PNLIPRP3: variants seen among roughly 807,000 people sequenced by gnomAD.
The protein encoded by PNLIPRP3 is pancreatic lipase related protein 3.
Under a neutral mutation model 52.8 loss-of-function variants are expected in PNLIPRP3, and 58 were observed. The observed-to-expected ratio is 1.10, with a 90% CI of 0.89 to 1.37. The LOEUF is 1.37. Among genes scored for constraint, PNLIPRP3 ranks in the 40% most tolerant of loss-of-function variants. The probability of loss-of-function intolerance (pLI) is 0.00; values close to 1 mark genes in which losing one functional copy is unlikely to be tolerated. For synonymous variants in PNLIPRP3, 192 were observed against 185.0 expected (o/e 1.04, Z -0.31); for missense variants, 593 against 561.6 (o/e 1.06, Z -0.57).
At position 116,438,767 on chromosome 10, in the gene PNLIPRP3, C is replaced by T. The variant is rs144680339; in HGVS notation, c.204+1902C>T. On this transcript the variant is annotated intron_variant, in intron 2 of 11. Coordinates refer to ENST00000369230, the MANE Select transcript of PNLIPRP3 (RefSeq NM_001011709.3). The stretch of plus-strand genomic sequence containing the variant: ...TGACCCATATGTTATATGAGTTTGA[C>T]CAATTCTGTAGATGTGGCTGTCTCT... 3.3e-5 allele frequency among the ~76,000 whole-genome samples: 5 copies of T among 152,232 alleles called. No homozygotes were observed. The East Asian group carries it at 7.7e-4, about 24-fold the overall frequency.
intron 5 of PNLIPRP3, among the ~76,000 whole-genome samples, chr10:116,459,788 G>C (rs2133142646): frequency 6.6e-6 from 1 of 152,014 alleles, no homozygotes; most frequent in East Asian, 1.9e-4. Context: ...CTTTTTTTGA[G>C]ATGGAGTCTT....
chr10:116,444,533 T>C lies in PNLIPRP3; in HGVS notation c.456+20T>C. ...CTCATGGTAAGAAGAGTTGATTTTT[T>C]TTTAATTATATTGAATTGGTTTTGG... On this transcript the variant is annotated intron_variant, in intron 4 of 11. Transcript: ENST00000369230. 6.2e-7 allele frequency: 1 copy of C among 1,600,904 alleles called. No individual in the cohort carries two copies. The highest frequency in any genetic ancestry group is 1.7e-5 in the Admixed American group (1 of 57,864).
intron 2 of PNLIPRP3, among the ~76,000 whole-genome samples, chr10:116,442,814 T>C (rs1845877026): frequency 1.3e-5 from 2 of 152,118 alleles, no homozygotes; most frequent in African/African-American, 4.8e-5. Flanking sequence ...CAGTGCGTTA[T>C]GATGGAGTCA....
intron 4 of PNLIPRP3, among the ~76,000 whole-genome samples, chr10:116,452,633 G>A (rs1435624280): frequency 6.6e-6 from 1 of 152,170 alleles, no homozygotes; most frequent in Non-Finnish European, 1.5e-5. Flanking sequence ...CTGCATCCCA[G>A]CTGCTCAGGC....
In PNLIPRP3 at chr10:116,469,243, G is replaced by C. The variant is rs143512460; in HGVS notation, c.986G>C (p.Arg329Thr). The C allele has an allele frequency of 7.4e-4, 1,201 of 1,612,356 alleles. 11 individuals are homozygous for C. In the East Asian group the frequency reaches 0.018, roughly 24 times the overall value. ...CCAACAATGGGTCATTTTGCTGATA[G>C]ATTTCACTTCAAAAATATGAAGACT... The part of the protein sequence containing the change: ...GCPTMGHFAD[R>T]FHFKNMKTNG... The change falls in exon 9 of 12, where the codon AGA becomes ACA. Residue 329 changes from arginine (R) to threonine (T), a missense_variant. By Grantham distance (71) the Arg-to-Thr change is moderately conservative (BLOSUM62 -1). Coordinates refer to ENST00000369230, the MANE Select transcript of PNLIPRP3 (RefSeq NM_001011709.3).
At chr10:116,455,488 G>A (rs561022692) in intron 4 of PNLIPRP3, among the ~76,000 whole-genome samples, 1 of 152,322 alleles carries the variant, frequency 6.6e-6, no homozygotes, top group Non-Finnish European at 1.5e-5. Context: ...CCACAGGCCA[G>A]CCCCTTAGCA....
intron 5 of PNLIPRP3, among the ~76,000 whole-genome samples, chr10:116,458,076 T>A (rs1846141321): frequency 6.6e-6 from 1 of 152,212 alleles, no homozygotes. Context: ...ATTAAGGACA[T>A]ACATAAGTTT....
At position 116,428,200 on chromosome 10, in the gene PNLIPRP3, G is replaced by A. The variant is rs1589972232; in HGVS notation, c.49+139G>A. On this transcript the variant is annotated intron_variant, in intron 1 of 11. Coordinates refer to ENST00000369230, the MANE Select transcript of PNLIPRP3 (RefSeq NM_001011709.3). ...AGTAGTTTATTGTTTTTATGAATATGTTTAAAATATTGGCTGCTTATATTT... is the reference window on the plus strand; with the variant it reads ...AGTAGTTTATTGTTTTTATGAATATATTTAAAATATTGGCTGCTTATATTT... The A allele has an allele frequency of 4.8e-6, 3 of 619,032 alleles. No homozygotes were observed. The East Asian group carries it at 9.2e-5, about 19-fold the overall frequency. The allele number at this position is 619,032 out of a possible 1,614,324, so 38.3% of individuals were successfully genotyped here. A position where few individuals can be genotyped will look rare whatever the true frequency, so the allele number is the denominator to read the frequency against.
At chr10:116,445,229 A>G (rs1206661418) in intron 4 of PNLIPRP3, among the ~76,000 whole-genome samples, 1 of 152,104 alleles carries the variant, frequency 6.6e-6, no homozygotes, top group African/African-American at 2.4e-5. Flanking sequence ...CAAAATGTAC[A>G]CTCTAGTAGG....
chr10:116,437,005 G>T, intron 2 of PNLIPRP3, 140 bp downstream of exon 2: 1 of 873,944 alleles, frequency 1.1e-6, no homozygotes, highest in South Asian at 2.9e-5. Context: ...AGTATTATGA[G>T]TCAGATTTTT....
Position 116,477,225 on chromosome 10 carries a change from CA to C in PNLIPRP3, c.*73del. On this transcript the variant is annotated 3_prime_UTR_variant, in exon 12 of 12. Coordinates refer to ENST00000369230, the MANE Select transcript of PNLIPRP3 (RefSeq NM_001011709.3). ...AAAGTGTCTCCTTCCACCTGGCATCCAGACCAAATTTGACCCTTGTAAATGA... is the reference window on the plus strand; with the variant it reads ...AAAGTGTCTCCTTCCACCTGGCATCCGACCAAATTTGACCCTTGTAAATGA... 7.7e-7 allele frequency: 1 copy of C among 1,301,630 alleles called. No homozygotes were observed. The highest frequency in any genetic ancestry group is 1.3e-5 in the South Asian group (1 of 79,514). 80.6% of individuals were successfully genotyped at this position (1,301,630 alleles called of 1,614,324 possible).
At chr10:116,450,091 G>T (rs763633308) in intron 4 of PNLIPRP3, among the ~76,000 whole-genome samples, 44 of 152,098 alleles carry the variant, frequency 2.9e-4, no homozygotes, top group Non-Finnish European at 5.3e-4. Context: ...ATGGGATTCA[G>T]CAAAAGCAAA....
intron 4 of PNLIPRP3, among the ~76,000 whole-genome samples, chr10:116,455,361 G>A (rs1369455559): frequency 6.6e-6 from 1 of 152,066 alleles, no homozygotes; most frequent in Non-Finnish European, 1.5e-5. Context: ...CTGTAGGAAT[G>A]AGCTGCCTTT....
intron 1 of PNLIPRP3, among the ~76,000 whole-genome samples, chr10:116,434,007 G>A (rs1316671446): frequency 2.0e-5 from 3 of 152,140 alleles, no homozygotes; most frequent in Non-Finnish European, 4.4e-5. Context: ...GCCACAAATA[G>A]CAATACATTT....
chr10:116,453,695 C>A (rs571409077), intron 4 of PNLIPRP3, among the ~76,000 whole-genome samples: 1 of 152,176 alleles, frequency 6.6e-6, no homozygotes, highest in African/African-American at 2.4e-5. Flanking sequence ...GCCTTTTACT[C>A]CTGCTCTCAC....
chr10:116,427,894 A>T lies in PNLIPRP3; in HGVS notation c.-119A>T. The T allele has an allele frequency of 1.3e-6, 1 of 758,908 alleles. No individual in the cohort carries two copies. The highest frequency in any genetic ancestry group is 1.6e-5 in the South Asian group (1 of 63,786). The allele number at this position is 758,908 out of a possible 1,614,324, so 47.0% of individuals were successfully genotyped here. A position where few individuals can be genotyped will look rare whatever the true frequency, so the allele number is the denominator to read the frequency against. On this transcript the variant is annotated 5_prime_UTR_variant, in exon 1 of 12. Coordinates refer to ENST00000369230, the MANE Select transcript of PNLIPRP3 (RefSeq NM_001011709.3). ...TGGAATAACATGTTCTTTTAAACGT[A>T]GAGTTTAAACATTGAGTTGCATCAT...
intron 3 of PNLIPRP3, among the ~76,000 whole-genome samples, chr10:116,443,677 A>G (rs956248064): frequency 2.3e-5 from 3 of 129,098 alleles, no homozygotes; most frequent in African/African-American, 8.4e-5. Context: ...ACATATATAT[A>G]AACACATATA....
At chr10:116,462,590 A>C (rs1846209214) in intron 7 of PNLIPRP3, among the ~76,000 whole-genome samples, 1 of 152,148 alleles carries the variant, frequency 6.6e-6, no homozygotes, top group Admixed American at 6.5e-5. Context: ...TTAAAAACCC[A>C]CACAACTGTC....
At chr10:116,429,991 G>A (rs960727480) in intron 1 of PNLIPRP3, among the ~76,000 whole-genome samples, 2 of 152,192 alleles carry the variant, frequency 1.3e-5, no homozygotes, top group African/African-American at 4.8e-5. Flanking sequence ...GTTTGTGTGA[G>A]GCTAGGAATG....
Sources: gnomAD v4.1 joint callset for allele counts (sites outside exome capture counted in the v4.1 genomes callset) on GRCh38, gnomAD v4.1.1 for gene constraint, MANE v1.5 for transcripts, NCBI Gene and HGNC (gene_info 2026-07-23, HGNC 2026-07-21) for gene names.